The following PLXDC2 variants were observed in gnomAD, a reference collection of about 807,000 sequenced individuals.
The protein encoded by PLXDC2 is plexin domain containing 2, also known as plexin domain-containing protein 2.
PLXDC2 carries 40 observed loss-of-function variants against 68.9 expected under a neutral mutation model. That is an observed-to-expected ratio of 0.58 (90% CI 0.45 to 0.76). PLXDC2 has a LOEUF of 0.76. PLXDC2 is among the 30% of genes least tolerant of loss of function. PLXDC2 has a pLI of 0.00. For synonymous variants in PLXDC2, 243 were observed against 234.2 expected (o/e 1.04, Z -0.34); for missense variants, 644 against 661.9 (o/e 0.97, Z 0.30).
intron 4 of PLXDC2, among the ~76,000 whole-genome samples, chr10:20,140,107 T>G (rs1833982272): frequency 6.6e-6 from 1 of 152,052 alleles, no homozygotes; most frequent in African/African-American, 2.4e-5. Flanking sequence ...GAGACCATCC[T>G]GGCTAACACA....
At chr10:20,176,604 C>T (rs879364621) in intron 7 of PLXDC2, among the ~76,000 whole-genome samples, 15 of 152,062 alleles carry the variant, frequency 9.9e-5, no homozygotes, top group Non-Finnish European at 1.6e-4. Context: ...GAGTGTGAAA[C>T]ATTTCTAATT....
At chr10:20,018,791 A>T (rs568393947) in intron 2 of PLXDC2, among the ~76,000 whole-genome samples, 4 of 152,306 alleles carry the variant, frequency 2.6e-5, no homozygotes, top group East Asian at 1.9e-4. Flanking sequence ...TTGGCAAAAG[A>T]TTCAATTTTT....
Position 20,238,663 on chromosome 10 carries a change from AT to A in PLXDC2, c.1313-6681del, listed in dbSNP as rs1158933229. 4.8e-3 allele frequency among the ~76,000 whole-genome samples: 527 copies of A among 109,302 alleles called. 29 individuals carry two copies. The highest frequency in any genetic ancestry group is 0.018 in the African/African-American group (459 of 25,970). The allele number at this position is 109,302 out of a possible 152,430, so 71.7% of individuals were successfully genotyped here. A position where few individuals can be genotyped will look rare whatever the true frequency, so the allele number is the denominator to read the frequency against. On this transcript the variant is annotated intron_variant, in intron 12 of 13. Coordinates refer to ENST00000377252, the MANE Select transcript of PLXDC2 (RefSeq NM_032812.9). ...AGAGAAAGACTCCATCTCAAAAAAA[AT>A]ATATATATATATGTATATATATATA...
At chr10:20,146,488 TTTCCTTCC>T (rs34150409) in intron 5 of PLXDC2, among the ~76,000 whole-genome samples, 13,321 of 81,318 alleles carry the variant, frequency 0.16, 1,007 homozygotes, top group South Asian at 0.36. Context: ...TTCTTTTCTT[TTTCCTTCC>T]TTCCTTCCTT....
chr10:20,062,606 A>G (rs925286660), intron 3 of PLXDC2, among the ~76,000 whole-genome samples: 1 of 152,176 alleles, frequency 6.6e-6, no homozygotes, highest in Non-Finnish European at 1.5e-5. Context: ...ACAGTTCCAT[A>G]TACTTCCATT....
intron 2 of PLXDC2, among the ~76,000 whole-genome samples, chr10:20,034,919 A>T (rs1359730561): frequency 6.6e-6 from 1 of 152,206 alleles, no homozygotes; most frequent in Non-Finnish European, 1.5e-5. Context: ...AGGTTTGTGT[A>T]GGTACACTCC....
chr10:20,040,185 A>G (rs546317883), intron 2 of PLXDC2, among the ~76,000 whole-genome samples: 2 of 152,000 alleles, frequency 1.3e-5, no homozygotes, highest in Non-Finnish European at 2.9e-5. Context: ...CCCTTAGCCA[A>G]TCATCTGAGG....
At chr10:20,025,888 T>C (rs1835392625) in intron 2 of PLXDC2, among the ~76,000 whole-genome samples, 1 of 151,666 alleles carries the variant, frequency 6.6e-6, no homozygotes, top group East Asian at 1.9e-4. Context: ...TAATTTTATA[T>C]ATTAATTAAC....
chr10:19,925,699 G>A (rs933469395), intron 1 of PLXDC2, among the ~76,000 whole-genome samples: 1 of 152,168 alleles, frequency 6.6e-6, no homozygotes, highest in African/African-American at 2.4e-5. Context: ...GACTGCTATG[G>A]GGTGACAGAG....
intron 1 of PLXDC2, among the ~76,000 whole-genome samples, chr10:19,986,033 C>A (rs1329282770): frequency 1.3e-5 from 2 of 152,136 alleles, no homozygotes; most frequent in African/African-American, 4.8e-5. Context: ...TTCTGCAAAC[C>A]ACTGGGAAGC....
chr10:20,012,563 T>G (rs1407904372), intron 2 of PLXDC2, among the ~76,000 whole-genome samples: 2 of 151,524 alleles, frequency 1.3e-5, no homozygotes, highest in African/African-American at 2.4e-5. Flanking sequence ...TGACCTCAGG[T>G]GATCCATCCA....
At chr10:20,040,503 A>G (rs1835664669) in intron 2 of PLXDC2, among the ~76,000 whole-genome samples, 1 of 152,146 alleles carries the variant, frequency 6.6e-6, no homozygotes, top group Admixed American at 6.6e-5. Context: ...AGCTTATTGA[A>G]TATGTATACT....
chr10:19,900,981 ATG>A (rs71388879), intron 1 of PLXDC2, among the ~76,000 whole-genome samples: 15,207 of 144,260 alleles, frequency 0.11, 800 homozygotes, highest in Middle Eastern at 0.22. Context: ...TATATGTGTG[ATG>A]TGTGTGTGTG....
chr10:20,165,495 T>C (rs1197559394), intron 7 of PLXDC2, among the ~76,000 whole-genome samples: 1 of 152,046 alleles, frequency 6.6e-6, no homozygotes, highest in East Asian at 1.9e-4. Flanking sequence ...GATCTCATTG[T>C]TCAATTCCCA....
chr10:20,046,883 C>A lies in PLXDC2; in HGVS notation c.339C>A (p.His113Gln). 6.2e-7 allele frequency: 1 copy of A among 1,610,660 alleles called. No homozygotes were observed. Among genetic ancestry groups the A allele is most frequent in the South Asian group, 1.1e-5 (1 of 90,644 alleles). ...NNTQIEEDTD[H>Q]NYYISRIYGP... is the part of the protein sequence containing the mutation. Reference sequence around the variant, plus strand: ...TATTATTGCAGGAGGATACAGACCACAATTACTATATATCTCGAATATATG... The same window carrying A: ...TATTATTGCAGGAGGATACAGACCAAAATTACTATATATCTCGAATATATG... Residue 113 changes from histidine to glutamine, a missense_variant, in exon 3 of 14, where the codon CAC becomes CAA. Around this residue, in one of 3 missense-constraint regions of PLXDC2, gnomAD observed 201 missense variants for 166.9 expected, o/e 1.20. Transcript: ENST00000377252.
At chr10:19,916,131 G>T (rs11816973) in intron 1 of PLXDC2, among the ~76,000 whole-genome samples, 42,667 of 124,032 alleles carry the variant, frequency 0.34, 7,478 homozygotes, top group Middle Eastern at 0.5. Context: ...GTTGTGTTTT[G>T]TTTTGTTTTT....
chr10:19,927,893 T>C (rs994446208), intron 1 of PLXDC2, among the ~76,000 whole-genome samples: 13 of 152,174 alleles, frequency 8.5e-5, no homozygotes, highest in African/African-American at 3.1e-4. Context: ...AGTGCACCTG[T>C]CAAGTGGAGT....
chr10:19,931,822 T>A (rs1015962284), intron 1 of PLXDC2, among the ~76,000 whole-genome samples: 8 of 152,072 alleles, frequency 5.3e-5, no homozygotes, highest in Non-Finnish European at 1.0e-4. Context: ...GTCTCCACAT[T>A]CCCTCTTTCT....
At chr10:20,198,497 G>T (rs1834871987) in intron 9 of PLXDC2, among the ~76,000 whole-genome samples, 1 of 151,662 alleles carries the variant, frequency 6.6e-6, no homozygotes, top group Non-Finnish European at 1.5e-5. Context: ...TATTTATGGG[G>T]TACTAATCTC....
Sources: gnomAD v4.1 joint callset for allele counts (sites outside exome capture counted in the v4.1 genomes callset) on GRCh38, gnomAD v4.1.1 for gene constraint, gnomAD v4.1.1 regional missense constraint, MANE v1.5 for transcripts, NCBI Gene and HGNC (gene_info 2026-07-23, HGNC 2026-07-21) for gene names.